PLEKHA2: variants seen among roughly 807,000 people sequenced by gnomAD.
PLEKHA2 encodes pleckstrin homology domain-containing family A member 2.
A neutral mutation model predicts 53.2 loss-of-function variants in PLEKHA2; 28 were observed. The ratio of observed to expected loss-of-function variants is 0.53; its 90% CI spans 0.39 to 0.72. The LOEUF (loss-of-function observed/expected upper bound fraction) is 0.72, where lower values mean the gene tolerates loss of function less well. Among genes scored for constraint, PLEKHA2 ranks in the 30% least tolerant of loss-of-function variants. PLEKHA2 has a pLI of 0.00. For missense variants in PLEKHA2, 426 were observed against 537.9 expected, an observed-to-expected ratio of 0.79 and a Z score of 2.06; for synonymous variants, 193 against 196.4, an observed-to-expected ratio of 0.98 and a Z score of 0.14.
intron 4 of PLEKHA2, 59 bp downstream of exon 4, chr8:38,943,896 G>T (rs1834658662): frequency 7.2e-7 from 1 of 1,393,612 alleles, no homozygotes; most frequent in Non-Finnish European, 9.8e-7. Context: ...TTCCTCTTTT[G>T]CATGGAGACA....
rs140196916 is a variant in PLEKHA2 at position 38,926,592 on chromosome 8, A to C, written c.141+8522A>C. 3.9e-5 allele frequency among the ~76,000 whole-genome samples: 6 copies of C among 152,314 alleles called. No individual in the cohort carries two copies. In the East Asian group the frequency reaches 1.2e-3, roughly 29 times the overall value. On this transcript the variant is annotated intron_variant, in intron 2 of 11. Transcript: ENST00000617275. ...TCTGTAGCCATCATATTTTTTAAACAAGTTGTATCTTTATAACAGGATGTA... is the reference window on the plus strand; with the variant it reads ...TCTGTAGCCATCATATTTTTTAAACCAGTTGTATCTTTATAACAGGATGTA...
At chr8:38,939,964 G>T (rs1314935217) in intron 3 of PLEKHA2, among the ~76,000 whole-genome samples, 1 of 151,958 alleles carries the variant, frequency 6.6e-6, no homozygotes, top group Non-Finnish European at 1.5e-5. Flanking sequence ...GCATGGTGGT[G>T]AGTGTCTGTA....
chr8:38,952,025 C>T, intron 6 of PLEKHA2, 141 bp from the exon 7 acceptor site: 1 of 1,097,498 alleles, frequency 9.1e-7, no homozygotes, highest in Non-Finnish European at 1.3e-6. Flanking sequence ...GTTGGGATTA[C>T]AGGCGTGAGC....
chr8:38,920,356 G>T (rs969951443), intron 2 of PLEKHA2, among the ~76,000 whole-genome samples: 1 of 151,964 alleles, frequency 6.6e-6, no homozygotes, highest in African/African-American at 2.4e-5. Context: ...GGGTTTCACT[G>T]TGTTAGCCAG....
Position 38,953,382 on chromosome 8 carries a change from T to G in PLEKHA2, c.773+15T>G, listed in dbSNP as rs367734009. 47 of 1,592,542 alleles carry G rather than the reference T, an allele frequency of 3.0e-5. No individual in the cohort carries two copies. Among genetic ancestry groups the G allele is most frequent in the East Asian group, 1.6e-4 (7 of 44,772 alleles). ...GTCAAGTCTGGGTAATTGTGTCTGC[T>G]TTTTCTCTTCTAATCCAAACCTCCA... On this transcript the variant is annotated intron_variant, in intron 9 of 11. Coordinates refer to ENST00000617275, the MANE Select transcript of PLEKHA2 (RefSeq NM_021623.2).
At chr8:38,909,255 G>A (rs1002093526) in intron 1 of PLEKHA2, among the ~76,000 whole-genome samples, 1 of 151,752 alleles carries the variant, frequency 6.6e-6, no homozygotes, top group African/African-American at 2.4e-5. Flanking sequence ...ATCTTTCTTT[G>A]CATCTTTGTT....
intron 3 of PLEKHA2, among the ~76,000 whole-genome samples, chr8:38,939,347 T>TA (rs1179679657): frequency 6.6e-6 from 1 of 152,186 alleles, no homozygotes; most frequent in Non-Finnish European, 1.5e-5. Context: ...TTGAGGGTCT[T>TA]ACCCTTGCAG....
At chr8:38,946,359 C>A in intron 5 of PLEKHA2, 138 bp downstream of exon 5, 1 of 685,052 alleles carries the variant, frequency 1.5e-6, no homozygotes, top group Non-Finnish European at 2.5e-6. Context: ...TCTCTCCCAC[C>A]TCGTCTTTTT....
intron 10 of PLEKHA2, among the ~76,000 whole-genome samples, chr8:38,959,936 A>T (rs1835012727): frequency 1.3e-5 from 2 of 152,162 alleles, no homozygotes; most frequent in Non-Finnish European, 2.9e-5. Flanking sequence ...ATCCAAGGAG[A>T]TGTGCTATGA....
intron 9 of PLEKHA2, 102 bp downstream of exon 9, chr8:38,953,469 C>A: frequency 1.7e-6 from 2 of 1,200,884 alleles, no homozygotes; most frequent in Non-Finnish European, 1.2e-6. Context: ...TCATCTTCTT[C>A]CAAGAGCCAG....
intron 9 of PLEKHA2, 81 bp downstream of exon 9, chr8:38,953,448 C>T (rs1834883390): frequency 7.6e-7 from 1 of 1,321,434 alleles, no homozygotes; most frequent in Non-Finnish European, 1.1e-6. Context: ...TTCAGAGACT[C>T]TATGCAAGAG....
chr8:38,913,381 A>AG (rs1040144798), intron 1 of PLEKHA2, among the ~76,000 whole-genome samples: 1 of 151,414 alleles, frequency 6.6e-6, no homozygotes, highest in African/African-American at 2.4e-5. Context: ...AAAAAAAAAA[A>AG]AAAAAGAAAA....
intron 1 of PLEKHA2, among the ~76,000 whole-genome samples, chr8:38,910,359 GGAGA>G (rs1042306196): frequency 2.0e-5 from 3 of 152,164 alleles, no homozygotes; most frequent in Non-Finnish European, 4.4e-5. Context: ...AGAGAATGAA[GGAGA>G]GAGGGAGAGA....
At position 38,932,021 on chromosome 8, in the gene PLEKHA2, C is replaced by T. The variant is rs186500345; in HGVS notation, c.142-3973C>T. The stretch of plus-strand genomic sequence containing the variant: ...TTTTTAATAAATAGAGTCAGGGCCT[C>T]GCCCTGTTACTTAGGCTGGAGTGCA... On this transcript the variant is annotated intron_variant, in intron 2 of 11. Coordinates refer to ENST00000617275, the MANE Select transcript of PLEKHA2 (RefSeq NM_021623.2). Among the ~76,000 whole-genome samples, 72 of 152,122 alleles carry T rather than the reference C, an allele frequency of 4.7e-4. 1 individual carries two copies. In the East Asian group the frequency reaches 9.7e-3, roughly 20 times the overall value.
chr8:38,953,226 T>C, intron 8 of PLEKHA2, 71 bp from the exon 9 acceptor site: 2 of 1,226,628 alleles, frequency 1.6e-6, no homozygotes, highest in African/African-American at 1.5e-5. Context: ...AAAGGGGTAT[T>C]GGTCAGCTGG....
chr8:38,919,655 T>C (rs542143452), intron 2 of PLEKHA2, among the ~76,000 whole-genome samples: 1 of 152,362 alleles, frequency 6.6e-6, no homozygotes, highest in South Asian at 2.1e-4. Flanking sequence ...CTAGTGATCT[T>C]GGGCATTTGT....
At chr8:38,964,920 AT>A (rs1339221846) in intron 10 of PLEKHA2, among the ~76,000 whole-genome samples, 1 of 115,610 alleles carries the variant, frequency 8.6e-6, no homozygotes, top group Non-Finnish European at 1.6e-5. Context: ...TCTGTTGCCC[AT>A]GCTGGTCTCG....
intron 11 of PLEKHA2, 103 bp downstream of exon 11, chr8:38,968,772 G>A (rs6996274): frequency 0.54 from 637,468 of 1,170,302 alleles, 178,089 homozygotes; most frequent in African/African-American, 0.77. Flanking sequence ...TGGTCCCGAG[G>A]TGCAGCTGAA....
At chr8:38,920,419 G>C (rs1017448399) in intron 2 of PLEKHA2, among the ~76,000 whole-genome samples, 1 of 152,134 alleles carries the variant, frequency 6.6e-6, no homozygotes, top group African/African-American at 2.4e-5. Flanking sequence ...CTCCCAAAGT[G>C]CTGGGATTAC....
Sources: allele counts gnomAD v4.1 joint callset (sites outside exome capture counted in the v4.1 genomes callset), GRCh38; gene constraint gnomAD v4.1.1; transcripts MANE v1.5; gene names NCBI Gene and HGNC (gene_info 2026-07-23, HGNC 2026-07-21).